Variants in PRIM2 observed in about 807,000 individuals in gnomAD.
PRIM2 encodes DNA primase subunit 2.
PRIM2 carries 39 observed loss-of-function variants against 67.3 expected under a neutral mutation model. The observed-to-expected ratio is 0.58, with a 90% CI of 0.45 to 0.76. PRIM2 has a LOEUF of 0.76. Among genes scored for constraint, PRIM2 ranks in the 30% least tolerant of loss-of-function variants. The pLI is 0.00. For missense variants in PRIM2, 398 were observed against 598.7 expected (o/e 0.66, Z 3.50); for synonymous variants, 143 against 198.7 (o/e 0.72, Z 2.36).
At chr6:57,545,733 C>G (rs1386491925) in intron 10 of PRIM2, among the ~76,000 whole-genome samples, 4 of 152,078 alleles carry the variant, frequency 2.6e-5, no homozygotes, top group Non-Finnish European at 4.4e-5. Flanking sequence ...CATGCCTGGC[C>G]CCTCCAAGAC....
intron 10 of PRIM2, among the ~76,000 whole-genome samples, chr6:57,555,460 A>G (rs1271238634): frequency 1.1e-3 from 167 of 152,224 alleles, no homozygotes; most frequent in African/African-American, 3.8e-3. Context: ...TTGTATTTTT[A>G]GTAGAGACAG....
At chr6:57,593,886 A>G (rs1254123002) in intron 10 of PRIM2, among the ~76,000 whole-genome samples, 1 of 152,242 alleles carries the variant, frequency 6.6e-6, no homozygotes, top group Non-Finnish European at 1.5e-5. Flanking sequence ...TGAATTGGAA[A>G]GAAGAGGGAA....
At chr6:57,285,966 GACAA>G in the PRIM2 span, among the ~76,000 whole-genome samples, 20 of 152,132 alleles carry the variant, frequency 1.3e-4, no homozygotes, top group African/African-American at 1.9e-4. Flanking sequence ...ACAAATAATA[GACAA>G]ACAAAGAGCC....
chr6:57,434,766 C>G (rs1177464637), intron 7 of PRIM2, among the ~76,000 whole-genome samples: 1 of 151,730 alleles, frequency 6.6e-6, no homozygotes, highest in Admixed American at 6.6e-5. Flanking sequence ...TCTGCTCTCT[C>G]TCTCTTTTTT....
At position 57,537,642 on chromosome 6, in the gene PRIM2, A is replaced by G. The variant is rs1363696013; in HGVS notation, c.1020+17A>G. ...CCAGACAAGGTAATTTTGAAAAAAA[A>G]TATCAGAGTGGTACCTGATATTTTA... On this transcript the variant is annotated intron_variant, in intron 10 of 13. Transcript: ENST00000615550. The G allele has an allele frequency of 1.9e-4, 272 of 1,406,008 alleles. 1 individual carries two copies. The East Asian group carries it at 6.1e-3, about 31-fold the overall frequency. The allele number at this position is 1,406,008 out of a possible 1,614,324, so 87.1% of individuals were successfully genotyped here.
At chr6:57,256,965 G>A in the PRIM2 span, among the ~76,000 whole-genome samples, 1 of 151,976 alleles carries the variant, frequency 6.6e-6, no homozygotes, top group Non-Finnish European at 1.5e-5. Context: ...CCTTGACATT[G>A]GGGAAAAAAA....
chr6:57,379,357 T>C (rs555596749), intron 5 of PRIM2, among the ~76,000 whole-genome samples: 5 of 143,948 alleles, frequency 3.5e-5, no homozygotes, highest in African/African-American at 1.3e-4. Flanking sequence ...TGTTTTGGTA[T>C]AGAAGTTTAA....
At chr6:57,224,666 T>C in the PRIM2 span, among the ~76,000 whole-genome samples, 1 of 152,038 alleles carries the variant, frequency 6.6e-6, no homozygotes, top group Non-Finnish European at 1.5e-5. Flanking sequence ...TTAGAGGGTC[T>C]CAGGGAGTAC....
intron 7 of PRIM2, among the ~76,000 whole-genome samples, chr6:57,405,231 C>T (rs1443870212): frequency 2.0e-5 from 3 of 152,294 alleles, no homozygotes; most frequent in Non-Finnish European, 4.4e-5. Flanking sequence ...TTTCTTCGGT[C>T]ACTACAAAGA....
At chr6:57,226,439 A>G in the PRIM2 span, among the ~76,000 whole-genome samples, 1 of 152,216 alleles carries the variant, frequency 6.6e-6, no homozygotes, top group Non-Finnish European at 1.5e-5. Flanking sequence ...CAAACAATTC[A>G]CTGGGTTTGA....
At chr6:57,284,468 TC>T in the PRIM2 span, among the ~76,000 whole-genome samples, 1 of 152,222 alleles carries the variant, frequency 6.6e-6, no homozygotes, top group Non-Finnish European at 1.5e-5. Context: ...ACATAGTTAC[TC>T]AATACATACT....
chr6:57,272,253 G>T, the PRIM2 span, among the ~76,000 whole-genome samples: 1 of 152,156 alleles, frequency 6.6e-6, no homozygotes, highest in South Asian at 2.1e-4. Flanking sequence ...TTATTATTGT[G>T]TGGTAGTGTA....
the PRIM2 span, among the ~76,000 whole-genome samples, chr6:57,305,987 G>C: frequency 3.0e-4 from 45 of 152,188 alleles, no homozygotes; most frequent in African/African-American, 1.1e-3. Context: ...AATGATAAAT[G>C]ATGCTCATAA....
At chr6:57,563,941 G>A (rs1415278683) in intron 10 of PRIM2, among the ~76,000 whole-genome samples, 6 of 152,228 alleles carry the variant, frequency 3.9e-5, no homozygotes, top group Non-Finnish European at 4.4e-5. Context: ...TTACAGGCGT[G>A]AGCTGATGCG....
chr6:57,273,658 C>T, the PRIM2 span, among the ~76,000 whole-genome samples: 22 of 152,318 alleles, frequency 1.4e-4, 1 homozygote, highest in African/African-American at 3.4e-4. Context: ...AGCTTTGTTT[C>T]GTTGCTGGTG....
At chr6:57,270,103 T>C in the PRIM2 span, among the ~76,000 whole-genome samples, 1 of 152,072 alleles carries the variant, frequency 6.6e-6, no homozygotes. Context: ...AGGATTGACT[T>C]GGCGATGCGG....
chr6:57,325,582 C>T (rs546796298), intron 4 of PRIM2, among the ~76,000 whole-genome samples: 5 of 152,302 alleles, frequency 3.3e-5, no homozygotes, highest in South Asian at 4.1e-4. Flanking sequence ...GCATGAACCA[C>T]GACGCCCAGC....
At chr6:57,403,896 A>G (rs1193212007) in intron 7 of PRIM2, among the ~76,000 whole-genome samples, 1 of 150,542 alleles carries the variant, frequency 6.6e-6, no homozygotes, top group Admixed American at 6.6e-5. Context: ...AACATCAACA[A>G]CAGACTTTTG....
intron 8 of PRIM2, among the ~76,000 whole-genome samples, chr6:57,525,634 C>T (rs1774734486): frequency 6.6e-6 from 1 of 152,312 alleles, no homozygotes; most frequent in East Asian, 1.9e-4. Context: ...ATTCTAGGAT[C>T]CTGTAGTCTG....
Sources: gnomAD v4.1 joint callset for allele counts (sites outside exome capture counted in the v4.1 genomes callset) on GRCh38, gnomAD v4.1.1 for gene constraint, MANE v1.5 for transcripts, NCBI Gene and HGNC (gene_info 2026-07-23, HGNC 2026-07-21) for gene names.